The following FAM117B variants were observed in gnomAD, a reference collection of about 807,000 sequenced individuals.
The protein encoded by FAM117B is protein FAM117B.
Under a neutral mutation model 52.8 loss-of-function variants are expected in FAM117B, and 22 were observed. The ratio of observed to expected loss-of-function variants is 0.42; its 90% CI spans 0.30 to 0.59. FAM117B has a LOEUF of 0.59. FAM117B is among the 20% of genes least tolerant of loss of function. The pLI, the probability that FAM117B is intolerant of heterozygous loss-of-function variation, is 0.22. For missense variants in FAM117B, 678 were observed against 802.6 expected (o/e 0.84, Z 1.88); for synonymous variants, 309 against 324.1 (o/e 0.95, Z 0.50).
intron 7 of FAM117B, among the ~76,000 whole-genome samples, chr2:202,760,219 T>A (rs571247571): frequency 9.2e-5 from 14 of 152,370 alleles, no homozygotes; most frequent in African/African-American, 3.4e-4. Context: ...GTTTGCAGAA[T>A]GTCTTCTGTG....
rs1689667748 is a variant in FAM117B, at chr2:202,635,533, T to G, written c.346T>G (p.Ser116Ala). 2 of 1,149,648 alleles carry G rather than the reference T, an allele frequency of 1.7e-6. No homozygotes were observed. Among genetic ancestry groups the G allele is most frequent in the South Asian group, 8.5e-5 (2 of 23,412 alleles). The allele number at this position is 1,149,648 out of a possible 1,614,324, so 71.2% of individuals were successfully genotyped here. A position where few individuals can be genotyped will look rare whatever the true frequency, so the allele number is the denominator to read the frequency against. Reference protein sequence around the residue: ...SPTVATQTGASATSTRGTSPT... With the variant: ...SPTVATQTGAAATSTRGTSPT... ...CACGGTGGCCACGCAGACGGGCGCGTCCGCGACGTCCACGCGAGGCACCAG... is the reference window on the plus strand; with the variant it reads ...CACGGTGGCCACGCAGACGGGCGCGGCCGCGACGTCCACGCGAGGCACCAG... Residue 116 changes from serine (S) to alanine (A), a missense_variant, in exon 1 of 8, where the codon TCC becomes GCC. This residue lies in a region of FAM117B where 583 missense variants were observed against 644.8 expected (regional missense o/e 0.90). Transcript: ENST00000392238.
intron 2 of FAM117B, among the ~76,000 whole-genome samples, chr2:202,724,157 A>C (rs1359206628): frequency 6.9e-6 from 1 of 144,546 alleles, no homozygotes; most frequent in Non-Finnish European, 1.5e-5. Flanking sequence ...TCCCGGGTTC[A>C]AGCGATTCTC....
chr2:202,660,115 A>G, intron 1 of FAM117B, among the ~76,000 whole-genome samples: 1 of 152,014 alleles, frequency 6.6e-6, no homozygotes, highest in Non-Finnish European at 1.5e-5. Flanking sequence ...TTTCTGTATG[A>G]AAATGTTTAT....
At chr2:202,670,401 G>A (rs1191724807) in intron 1 of FAM117B, among the ~76,000 whole-genome samples, 2 of 151,402 alleles carry the variant, frequency 1.3e-5, no homozygotes, top group African/African-American at 4.9e-5. Flanking sequence ...GTGATTTTTA[G>A]GCCTCAGCTT....
At chr2:202,754,039 G>A (rs543211298) in intron 4 of FAM117B, among the ~76,000 whole-genome samples, 1 of 152,180 alleles carries the variant, frequency 6.6e-6, no homozygotes, top group South Asian at 2.1e-4. Context: ...TATACCCAAA[G>A]GGTTATAAAT....
rs1219820816 is a variant in FAM117B at position 202,635,449 on chromosome 2, G to A, written c.262G>A (p.Ala88Thr). The change falls in exon 1 of 8, where the codon GCC (alanine) becomes ACC (threonine). Residue 88 changes from alanine (A) to threonine (T), a missense_variant. This residue lies in a region of FAM117B where 583 missense variants were observed against 644.8 expected (regional missense o/e 0.90). Coordinates refer to ENST00000392238, the MANE Select transcript of FAM117B (RefSeq NM_173511.4). ...GGGGGGGPRT[A>T]SRSTSPTRGG... Reference sequence around the variant, plus strand: ...CGGCGGCGGCGGTGGCCCGCGCACCGCCTCGCGCAGCACCAGCCCCACGCG... The same window carrying A: ...CGGCGGCGGCGGTGGCCCGCGCACCACCTCGCGCAGCACCAGCCCCACGCG... 6.8e-6 allele frequency: 8 copies of A among 1,173,120 alleles called. No individual in the cohort carries two copies. The highest frequency in any genetic ancestry group is 8.4e-6 in the Non-Finnish European group (8 of 954,022). The allele number at this position is 1,173,120 out of a possible 1,614,324, so 72.7% of individuals were successfully genotyped here. A position where few individuals can be genotyped will look rare whatever the true frequency, so the allele number is the denominator to read the frequency against.
At chr2:202,682,939 T>C (rs1052215389) in intron 1 of FAM117B, among the ~76,000 whole-genome samples, 3 of 152,180 alleles carry the variant, frequency 2.0e-5, no homozygotes, top group East Asian at 1.9e-4. Flanking sequence ...TCTAAAATAA[T>C]AATTTAAGCA....
chr2:202,702,774 C>T (rs911287341), intron 2 of FAM117B, among the ~76,000 whole-genome samples: 2 of 152,060 alleles, frequency 1.3e-5, no homozygotes, highest in Non-Finnish European at 2.9e-5. Flanking sequence ...AGGATGGTCT[C>T]GATCTCCTGA....
intron 2 of FAM117B, among the ~76,000 whole-genome samples, chr2:202,708,239 A>G (rs919259801): frequency 3.9e-5 from 6 of 152,330 alleles, no homozygotes; most frequent in African/African-American, 1.4e-4. Context: ...CCATCCCCCC[A>G]GTCCCTAGCA....
intron 1 of FAM117B, among the ~76,000 whole-genome samples, chr2:202,675,302 C>T (rs746255921): frequency 4.0e-5 from 6 of 151,654 alleles, no homozygotes; most frequent in Non-Finnish European, 8.8e-5. Flanking sequence ...AAAAATTAGC[C>T]GGGTGTGGTG....
intron 2 of FAM117B, among the ~76,000 whole-genome samples, chr2:202,711,678 G>T (rs1260402666): frequency 6.6e-6 from 1 of 152,162 alleles, no homozygotes; most frequent in Non-Finnish European, 1.5e-5. Flanking sequence ...ATAGTTTGAG[G>T]TCTCAGATTT....
intron 4 of FAM117B, among the ~76,000 whole-genome samples, chr2:202,736,636 C>A (rs1691440624): frequency 6.6e-6 from 1 of 152,074 alleles, no homozygotes; most frequent in South Asian, 2.1e-4. Context: ...GTGGCACATA[C>A]CTGTAGTCCC....
chr2:202,686,732 G>T (rs1482169643), intron 1 of FAM117B, among the ~76,000 whole-genome samples: 2 of 152,050 alleles, frequency 1.3e-5, no homozygotes, highest in African/African-American at 2.4e-5. Flanking sequence ...TCCTGAACCT[G>T]GGAGGGGGAG....
chr2:202,769,167 C>T lies in FAM117B; in HGVS notation c.*3403C>T, dbSNP rs975358965. 3.9e-5 allele frequency: 6 copies of T among 152,092 alleles called. No individual in the cohort carries two copies. The highest frequency in any genetic ancestry group is 5.9e-5 in the Non-Finnish European group (4 of 68,022). 9.4% of individuals were successfully genotyped at this position (152,092 alleles called of 1,614,324 possible). ...CTCTTGCTAACTGTGGAATATTTGA[C>T]GACATGAAAGTCCTTTTTCTTTGCT... On this transcript the variant is annotated 3_prime_UTR_variant, in exon 8 of 8. Transcript: ENST00000392238.
In FAM117B at chr2:202,735,715, A is replaced by G. The variant is rs549767738; in HGVS notation, c.960+9352A>G. Among the ~76,000 whole-genome samples the G allele has an allele frequency of 7.9e-5, 12 of 152,336 alleles. No homozygotes were observed. The East Asian group carries it at 2.3e-3, about 29-fold the overall frequency. On this transcript the variant is annotated intron_variant, in intron 4 of 7. Transcript: ENST00000392238. ...GTTAGTAACAAGAGTGGGAGATGCC[A>G]GCATCTTCACAGTCACATAAACTAA...
chr2:202,707,599 C>T (rs971017708), intron 2 of FAM117B, among the ~76,000 whole-genome samples: 8 of 151,618 alleles, frequency 5.3e-5, no homozygotes, highest in South Asian at 4.2e-4. Context: ...CCCAGCTACT[C>T]GGGAGGCTGA....
intron 1 of FAM117B, among the ~76,000 whole-genome samples, chr2:202,659,977 T>A (rs1219174071): frequency 6.6e-6 from 1 of 152,032 alleles, no homozygotes; most frequent in Non-Finnish European, 1.5e-5. Flanking sequence ...CTGGATAATT[T>A]CTGTTGATCT....
chr2:202,758,909 A>T (rs1440563223), intron 6 of FAM117B, among the ~76,000 whole-genome samples: 1 of 152,212 alleles, frequency 6.6e-6, no homozygotes. Context: ...ACCAATGAAG[A>T]ACCATTTCAG....
At position 202,757,142 on chromosome 2, in the gene FAM117B, G is replaced by A. The variant is rs997292778; in HGVS notation, c.1105-71G>A. 4 of 1,435,000 alleles carry A rather than the reference G, an allele frequency of 2.8e-6. No homozygotes were observed. The African/African-American group carries it at 4.3e-5, about 15-fold the overall frequency. The allele number at this position is 1,435,000 out of a possible 1,614,324, so 88.9% of individuals were successfully genotyped here. A position where few individuals can be genotyped will look rare whatever the true frequency, so the allele number is the denominator to read the frequency against. ...GTCTCTGGCACTATATGGGAAGGTT[G>A]ACATTGGGTTCATTGCTGGTGATTC... On this transcript the variant is annotated intron_variant, in intron 5 of 7. Coordinates refer to ENST00000392238, the MANE Select transcript of FAM117B (RefSeq NM_173511.4).
Sources: allele counts gnomAD v4.1 joint callset (sites outside exome capture counted in the v4.1 genomes callset), GRCh38; gene constraint gnomAD v4.1.1; regional missense constraint gnomAD v4.1.1; transcripts MANE v1.5; gene names NCBI Gene and HGNC (gene_info 2026-07-23, HGNC 2026-07-21).